The following COL6A6 variants were observed in gnomAD, a reference collection of about 807,000 sequenced individuals.
COL6A6 encodes the protein collagen alpha-6(VI) chain.
Under a neutral mutation model 208.6 loss-of-function variants are expected in COL6A6, and 183 were observed. The ratio of observed to expected loss-of-function variants is 0.88; its 90% CI spans 0.78 to 0.99. The LOEUF is 0.99. COL6A6 is among the 50% of genes least tolerant of loss of function. COL6A6 has a pLI of 0.00. For missense variants in COL6A6, 2,816 were observed against 2,815.2 expected (o/e 1.00, Z -0.01); for synonymous variants, 973 against 1,011.8 (o/e 0.96, Z 0.73).
chr3:130,651,425 C>CAAAAAAAAAAAAA (rs35957602), intron 33 of COL6A6, among the ~76,000 whole-genome samples: 1 of 61,038 alleles, frequency 1.6e-5, no homozygotes, highest in Non-Finnish European at 3.3e-5. Flanking sequence ...GACTCCATCT[C>CAAAAAAAAAAAAA]AAAAAAAAAA....
intron 34 of COL6A6, among the ~76,000 whole-genome samples, chr3:130,661,169 TA>T (rs1197177924): frequency 6.6e-6 from 1 of 152,230 alleles, no homozygotes; most frequent in African/African-American, 2.4e-5. Context: ...CACTGAGTTA[TA>T]AACTTATTTA....
At chr3:130,643,115 A>C in intron 31 of COL6A6, 92 bp downstream of exon 31, 1 of 1,346,558 alleles carries the variant, frequency 7.4e-7, no homozygotes, top group South Asian at 1.2e-5. Flanking sequence ...TTCACCAGCC[A>C]ATTTCTTAAA....
chr3:130,575,914 C>A (rs1577756604), intron 8 of COL6A6, among the ~76,000 whole-genome samples: 1 of 151,976 alleles, frequency 6.6e-6, no homozygotes, highest in African/African-American at 2.4e-5. Context: ...TTTTAGGAGG[C>A]TAAGTATGTC....
rs1465259099 is a variant in COL6A6, at chr3:130,626,486, G to A, written c.4880G>A (p.Gly1627Glu). ...QGRLGSQGNK[G>E]EPGDLGEKGA... ...AAAAACAATCTTTCTGTTTAACAGG[G>A]AGAACCTGGAGATCTGGGAGAAAAA... The change falls in exon 25 of 37, where the codon GGA (glycine) becomes GAA (glutamate). Residue 1627 changes from glycine (G) to glutamate (E), a missense_variant and splice_region_variant. Gly to Glu is a moderately conservative substitution (Grantham distance 98). Coordinates refer to ENST00000358511, the MANE Select transcript of COL6A6 (RefSeq NM_001102608.3). 6.2e-7 allele frequency: 1 copy of A among 1,611,700 alleles called. No individual in the cohort carries two copies. The highest frequency in any genetic ancestry group is 1.7e-5 in the Admixed American group (1 of 60,014).
intron 36 of COL6A6, among the ~76,000 whole-genome samples, chr3:130,674,121 T>C (rs924876486): frequency 6.6e-6 from 1 of 152,220 alleles, no homozygotes; most frequent in African/African-American, 2.4e-5. Context: ...ATGTGAAGAA[T>C]GTGTTTGAAC....
chr3:130,640,383 T>C (rs1286399396), intron 28 of COL6A6, among the ~76,000 whole-genome samples: 2 of 152,228 alleles, frequency 1.3e-5, no homozygotes, highest in Non-Finnish European at 2.9e-5. Context: ...AATAATCTAC[T>C]TACTGTCATT....
At chr3:130,602,671 C>T (rs1267909331) in intron 20 of COL6A6, among the ~76,000 whole-genome samples, 1 of 151,974 alleles carries the variant, frequency 6.6e-6, no homozygotes, top group South Asian at 2.1e-4. Context: ...CATTTCTATT[C>T]TTTGTTTTTT....
chr3:130,616,699 A>G (rs1266506518), intron 23 of COL6A6, among the ~76,000 whole-genome samples: 2 of 152,172 alleles, frequency 1.3e-5, no homozygotes, highest in Non-Finnish European at 1.5e-5. Context: ...GAGATGTTCA[A>G]TGCAGTTTGG....
At chr3:130,537,864 A>C (rs977962731) in intron 1 of COL6A6, among the ~76,000 whole-genome samples, 1 of 152,226 alleles carries the variant, frequency 6.6e-6, no homozygotes, top group African/African-American at 2.4e-5. Flanking sequence ...TTGGTCAAAT[A>C]CAGAAAAACA....
intron 10 of COL6A6, among the ~76,000 whole-genome samples, chr3:130,584,903 C>T (rs555154859): frequency 2.6e-5 from 4 of 152,184 alleles, no homozygotes; most frequent in South Asian, 4.1e-4. Flanking sequence ...TGTGAGCCAC[C>T]GCACCCGGCC....
At chr3:130,556,616 T>C (rs2062773145) in intron 1 of COL6A6, among the ~76,000 whole-genome samples, 1 of 152,190 alleles carries the variant, frequency 6.6e-6, no homozygotes, top group Non-Finnish European at 1.5e-5. Context: ...TTTTCAAAGA[T>C]TAATTTTCTT....
At chr3:130,607,069 T>C (rs1198579323) in intron 21 of COL6A6, 103 bp downstream of exon 21, 3 of 883,056 alleles carry the variant, frequency 3.4e-6, no homozygotes, top group South Asian at 2.0e-5. Context: ...TTTTTGATGA[T>C]ATTGGTTATG....
intron 36 of COL6A6, among the ~76,000 whole-genome samples, chr3:130,668,203 G>C (rs145506937): frequency 1.8e-4 from 27 of 152,030 alleles, no homozygotes; most frequent in African/African-American, 5.5e-4. Flanking sequence ...TCAGCTGGGC[G>C]CGGTGGCTCA....
At chr3:130,665,830 G>T (rs144858369) in intron 36 of COL6A6, among the ~76,000 whole-genome samples, 1 of 152,156 alleles carries the variant, frequency 6.6e-6, no homozygotes, top group Non-Finnish European at 1.5e-5. Context: ...AAACCATCGC[G>T]TGACAGGTTG....
intron 10 of COL6A6, among the ~76,000 whole-genome samples, chr3:130,584,034 T>C (rs2063482309): frequency 6.6e-6 from 1 of 152,168 alleles, no homozygotes; most frequent in South Asian, 2.1e-4. Context: ...GGGGCTTAAA[T>C]TAATTAATTT....
intron 31 of COL6A6, among the ~76,000 whole-genome samples, chr3:130,643,708 G>A (rs1306384211): frequency 1.3e-5 from 2 of 152,186 alleles, no homozygotes; most frequent in African/African-American, 4.8e-5. Context: ...TGACTCTTCA[G>A]TGTTCATCTA....
chr3:130,569,933 G>A (rs1165747553), intron 6 of COL6A6, among the ~76,000 whole-genome samples: 1 of 152,184 alleles, frequency 6.6e-6, no homozygotes, highest in Non-Finnish European at 1.5e-5. Context: ...AGCCTCTGGG[G>A]GGTGGGTGCT....
In COL6A6 at chr3:130,622,302, G is replaced by T. The variant is rs181485729; in HGVS notation, c.4878+419G>T. On this transcript the variant is annotated intron_variant, in intron 24 of 36. Transcript: ENST00000358511. ...GTACTGAGCGTTCGGTTGGGCTGAA[G>T]AATCAGCTCCAGGAGAGACATCTTT... 2.0e-5 allele frequency among the ~76,000 whole-genome samples: 3 copies of T among 148,126 alleles called. No homozygotes were observed. In the Admixed American group the frequency reaches 2.1e-4, roughly 10 times the overall value.
chr3:130,664,426 G>A (rs2066020756), intron 35 of COL6A6, among the ~76,000 whole-genome samples: 1 of 152,142 alleles, frequency 6.6e-6, no homozygotes, highest in Admixed American at 6.6e-5. Flanking sequence ...TTGATTTACT[G>A]CTTCAAAGAA....
Sources: allele counts gnomAD v4.1 joint callset (sites outside exome capture counted in the v4.1 genomes callset), GRCh38; gene constraint gnomAD v4.1.1; transcripts MANE v1.5; gene names NCBI Gene and HGNC (gene_info 2026-07-23, HGNC 2026-07-21).